Variants in PCDH15 observed in about 807,000 individuals in gnomAD.
PCDH15 encodes protocadherin related 15, also known as protocadherin-15.
A neutral mutation model predicts 178.5 loss-of-function variants in PCDH15; 129 were observed. That is an observed-to-expected ratio of 0.72 (90% CI 0.63 to 0.84). PCDH15 has a LOEUF of 0.84. Ranked by LOEUF, PCDH15 falls within the 40% of genes least tolerant of loss-of-function variation. The probability of loss-of-function intolerance (pLI) is 0.00; values close to 1 mark genes in which losing one functional copy is unlikely to be tolerated. For synonymous variants in PCDH15, 800 were observed against 732.0 expected (o/e 1.09, Z -1.50); for missense variants, 2,230 against 2,099.9 (o/e 1.06, Z -1.21).
chr10:54,140,912 G>A (rs1009974061), intron 14 of PCDH15, among the ~76,000 whole-genome samples: 1 of 152,078 alleles, frequency 6.6e-6, no homozygotes, highest in Non-Finnish European at 1.5e-5. Context: ...TCAATCTCCT[G>A]AACTCGTGAT....
intron 2 of PCDH15, among the ~76,000 whole-genome samples, chr10:54,939,523 A>AAAAAAAAAAAAT (rs1838005564): frequency 6.8e-6 from 1 of 146,370 alleles, no homozygotes; most frequent in Admixed American, 6.8e-5. Context: ...AAAAAAAAAA[A>AAAAAAAAAAAAT]TCAGTGATGT....
intron 8 of PCDH15, among the ~76,000 whole-genome samples, chr10:54,314,647 AG>A (rs1375781611): frequency 6.6e-6 from 1 of 152,130 alleles, no homozygotes; most frequent in African/African-American, 2.4e-5. Flanking sequence ...TAGTAAGCCC[AG>A]TACCCAATAG....
At chr10:55,374,122 T>TAAA (rs1166711820) in intron 2 of PCDH15, among the ~76,000 whole-genome samples, 3 of 139,752 alleles carry the variant, frequency 2.1e-5, no homozygotes, top group African/African-American at 5.2e-5. Context: ...ATAATAATAA[T>TAAA]AAAAGAATGG....
intron 2 of PCDH15, among the ~76,000 whole-genome samples, chr10:55,452,733 C>T (rs910601423): frequency 6.6e-6 from 1 of 152,042 alleles, no homozygotes; most frequent in Admixed American, 6.6e-5. Flanking sequence ...CCACTGGCAA[C>T]ATTTCAACAG....
At chr10:54,359,336 T>C (rs187471355) in intron 5 of PCDH15, among the ~76,000 whole-genome samples, 41 of 148,734 alleles carry the variant, frequency 2.8e-4, no homozygotes, top group Admixed American at 2.7e-4. Context: ...CCAATGTTGG[T>C]TTATTAGTTG....
At chr10:55,256,798 G>T (rs535306301) in intron 1 of PCDH15, among the ~76,000 whole-genome samples, 1 of 152,192 alleles carries the variant, frequency 6.6e-6, no homozygotes, top group Non-Finnish European at 1.5e-5. Context: ...ACCTCTGGGG[G>T]CAGGGCATAG....
chr10:53,934,326 T>A (rs1262460427), intron 25 of PCDH15, among the ~76,000 whole-genome samples: 3 of 151,972 alleles, frequency 2.0e-5, no homozygotes, highest in African/African-American at 7.2e-5. Flanking sequence ...ACTCATGCCA[T>A]CCCCACTGAC....
At chr10:55,445,588 T>C (rs1589034630) in intron 2 of PCDH15, among the ~76,000 whole-genome samples, 1 of 152,314 alleles carries the variant, frequency 6.6e-6, no homozygotes, top group East Asian at 1.9e-4. Context: ...GTATTCTTTT[T>C]GTGGTTTGCT....
At chr10:55,268,030 T>C (rs1404744338) in intron 1 of PCDH15, among the ~76,000 whole-genome samples, 1 of 152,226 alleles carries the variant, frequency 6.6e-6, no homozygotes, top group Non-Finnish European at 1.5e-5. Flanking sequence ...GCTTGCGTAT[T>C]GTTGTCGTGC....
chr10:54,616,033 C>A (rs2093134533), intron 2 of PCDH15, among the ~76,000 whole-genome samples: 1 of 151,894 alleles, frequency 6.6e-6, no homozygotes, highest in Admixed American at 6.6e-5. Context: ...TCAGCATTAC[C>A]AAATTATCTC....
At chr10:54,473,575 T>C (rs1285057124) in intron 3 of PCDH15, among the ~76,000 whole-genome samples, 3 of 152,072 alleles carry the variant, frequency 2.0e-5, no homozygotes, top group Non-Finnish European at 2.9e-5. Context: ...ACTAATGTGG[T>C]TGGTAAAATA....
intron 3 of PCDH15, among the ~76,000 whole-genome samples, chr10:54,816,492 A>G (rs942087097): frequency 3.3e-5 from 5 of 152,074 alleles, no homozygotes; most frequent in African/African-American, 1.2e-4. Flanking sequence ...CAAACCAGCC[A>G]TGCTTGTTGC....
chr10:54,893,570 C>G (rs571470336), intron 3 of PCDH15, among the ~76,000 whole-genome samples: 4 of 151,876 alleles, frequency 2.6e-5, no homozygotes, highest in African/African-American at 7.2e-5. Context: ...TGTGGGGGTG[C>G]ATTTCCATGA....
intron 5 of PCDH15, among the ~76,000 whole-genome samples, chr10:54,368,113 ATTTTGT>A (rs1007349061): frequency 1.3e-5 from 2 of 151,960 alleles, no homozygotes; most frequent in African/African-American, 4.8e-5. Context: ...AGGAGTTTGT[ATTTTGT>A]TTTTAAGTTA....
chr10:54,544,302 A>G (rs1039145574), intron 2 of PCDH15, among the ~76,000 whole-genome samples: 2 of 152,224 alleles, frequency 1.3e-5, no homozygotes, highest in African/African-American at 4.8e-5. Flanking sequence ...TTATTGATTA[A>G]CTGCATTTTT....
At chr10:55,506,576 G>A (rs1277854975) in intron 2 of PCDH15, among the ~76,000 whole-genome samples, 1 of 151,470 alleles carries the variant, frequency 6.6e-6, no homozygotes, top group Non-Finnish European at 1.5e-5. Flanking sequence ...GTCAGATGAC[G>A]AAGGTGATAA....
intron 9 of PCDH15, among the ~76,000 whole-genome samples, chr10:54,214,309 TTCA>T (rs1360775855): frequency 6.6e-6 from 1 of 152,154 alleles, no homozygotes; most frequent in African/African-American, 2.4e-5. Context: ...AATTTGAATC[TTCA>T]TCACATGAAA....
chr10:54,045,448 T>G (rs926548585), intron 18 of PCDH15, among the ~76,000 whole-genome samples: 2 of 152,068 alleles, frequency 1.3e-5, no homozygotes, highest in South Asian at 2.1e-4. Context: ...TAGCTAAAAT[T>G]TGATGAAAAA....
intron 1 of PCDH15, among the ~76,000 whole-genome samples, chr10:55,224,115 C>A (rs991628083): frequency 6.6e-6 from 1 of 152,024 alleles, no homozygotes; most frequent in Admixed American, 6.5e-5. Context: ...GCAAGGAGAT[C>A]ATTTGAGCCC....
Sources: allele counts gnomAD v4.1 joint callset (sites outside exome capture counted in the v4.1 genomes callset), GRCh38; gene constraint gnomAD v4.1.1; transcripts MANE v1.5; gene names NCBI Gene and HGNC (gene_info 2026-07-23, HGNC 2026-07-21).